NEK4: variants seen among roughly 807,000 people sequenced by gnomAD.
NEK4 encodes the protein serine/threonine-protein kinase Nek4.
NEK4 carries 86 observed loss-of-function variants against 98.4 expected under a neutral mutation model. That is an observed-to-expected ratio of 0.87 (90% CI 0.73 to 1.05). NEK4 has a LOEUF of 1.05. NEK4 is among the 50% of genes least tolerant of loss of function. The pLI, the probability that NEK4 is intolerant of heterozygous loss-of-function variation, is 0.00. For synonymous variants in NEK4, 328 were observed against 342.2 expected (o/e 0.96, Z 0.46); for missense variants, 898 against 950.3 (o/e 0.94, Z 0.72).
At chr3:52,764,778 G>GCACACACA (rs56827006) in intron 4 of NEK4, among the ~76,000 whole-genome samples, 7,650 of 145,036 alleles carry the variant, frequency 0.053, 226 homozygotes, top group South Asian at 0.079. Flanking sequence ...ACACACACAT[G>GCACACACA]CACACACACA....
At chr3:52,750,022 T>C (rs1405907570) in intron 7 of NEK4, among the ~76,000 whole-genome samples, 193 bp from the exon 8 acceptor site, 1 of 152,174 alleles carries the variant, frequency 6.6e-6, no homozygotes, top group Non-Finnish European at 1.5e-5. Flanking sequence ...ATGGTTGTTT[T>C]GGAAAACAAT....
At chr3:52,770,074 T>A (rs144554109) in intron 1 of NEK4, among the ~76,000 whole-genome samples, 13 of 152,170 alleles carry the variant, frequency 8.5e-5, no homozygotes, top group African/African-American at 2.6e-4. Context: ...ATAATCAGTG[T>A]TGGGGTGCGT....
Position 52,770,877 on chromosome 3 carries a change from G to T in NEK4, c.-131C>A, listed in dbSNP as rs1698758973. ...CTGTTGAGGCAGCCGGGCCCGGGCG[G>T]GATTGCTGGGGCCCGGCCCGCGACG... On this transcript the variant is annotated 5_prime_UTR_variant, in exon 1 of 16. Coordinates refer to ENST00000233027, the MANE Select transcript of NEK4 (RefSeq NM_003157.6). The T allele has an allele frequency of 4.0e-6, 3 of 748,322 alleles. No individual in the cohort carries two copies. The East Asian group carries it at 8.2e-5, about 20-fold the overall frequency. 46.4% of individuals were successfully genotyped at this position (748,322 alleles called of 1,614,324 possible).
Position 52,770,727 on chromosome 3 carries a change from C to T in NEK4, c.20G>A (p.Cys7Tyr). Residue 7 changes from cysteine to tyrosine, a missense_variant, in exon 1 of 16, where the codon TGC becomes TAC. Physicochemically the swap from Cys to Tyr is radical, Grantham distance 194. Coordinates refer to ENST00000233027, the MANE Select transcript of NEK4 (RefSeq NM_003157.6). MPLAAY[C>Y]YLRVVGKGSY... ...CCCCTTGCCCACGACCCGCAGGTAG[C>T]AGTAGGCGGCCAGGGGCATGTTCCC... is the stretch of plus-strand genomic sequence containing the variant. 1.3e-6 allele frequency: 2 copies of T among 1,573,614 alleles called. No homozygotes were observed. The highest frequency in any genetic ancestry group is 8.6e-7 in the Non-Finnish European group (1 of 1,160,626).
At chr3:52,764,658 C>T (rs1236195797) in intron 4 of NEK4, among the ~76,000 whole-genome samples, 2 of 151,900 alleles carry the variant, frequency 1.3e-5, no homozygotes, top group Non-Finnish European at 2.9e-5. Context: ...CAGGTACCGA[C>T]TTGGAAGGAT....
intron 4 of NEK4, among the ~76,000 whole-genome samples, chr3:52,764,141 G>C (rs1478451520): frequency 6.6e-6 from 1 of 151,970 alleles, no homozygotes; most frequent in Non-Finnish European, 1.5e-5. Context: ...AAAAAAATTA[G>C]CTGGGCGTGG....
In NEK4 at chr3:52,768,048, T is replaced by A. The variant is rs374350784; in HGVS notation, c.360+290A>T. 5.3e-5 allele frequency among the ~76,000 whole-genome samples: 8 copies of A among 152,324 alleles called. No homozygotes were observed. The South Asian group carries it at 1.0e-3, about 20-fold the overall frequency. On this transcript the variant is annotated intron_variant, in intron 2 of 15. Coordinates refer to ENST00000233027, the MANE Select transcript of NEK4 (RefSeq NM_003157.6). Reference sequence around the variant, plus strand: ...ACCAATGGATAACAAACATAGTCACTCTATGCTCTTGGTTGCCTCAGGGTC... The same window carrying A: ...ACCAATGGATAACAAACATAGTCACACTATGCTCTTGGTTGCCTCAGGGTC...
chr3:52,722,458 C>T (rs1245801707), intron 15 of NEK4, among the ~76,000 whole-genome samples: 1 of 151,916 alleles, frequency 6.6e-6, no homozygotes, highest in Non-Finnish European at 1.5e-5. Context: ...ATGGAGGACC[C>T]CTAAATTATC....
At chr3:52,767,119 AC>A (rs1698596548) in intron 2 of NEK4, among the ~76,000 whole-genome samples, 1 of 151,936 alleles carries the variant, frequency 6.6e-6, no homozygotes, top group Non-Finnish European at 1.5e-5. Context: ...CCCCATCTCT[AC>A]TAAAAAAATA....
chr3:52,767,132 A>G (rs1017701851), intron 2 of NEK4, among the ~76,000 whole-genome samples: 1 of 152,016 alleles, frequency 6.6e-6, no homozygotes, highest in Non-Finnish European at 1.5e-5. Flanking sequence ...AAAAAAATAC[A>G]AAAATTAGCT....
rs759150723 is a variant in NEK4 at position 52,711,840 on chromosome 3, C to T, written c.2463G>A (p.Lys821=). The change falls in exon 16 of 16, where the codon AAG becomes AAA. Residue 821 remains lysine (K), a synonymous_variant. Coordinates refer to ENST00000233027, the MANE Select transcript of NEK4 (RefSeq NM_003157.6). ...GAGCTTTCACACTGTAAGTTGTATA[C>T]TTTTCACCCATGTGCTCCCGCAAAC... ...EVRLREHMGE[K]YTTYSVKARQ... 6.2e-7 allele frequency: 1 copy of T among 1,609,534 alleles called. No individual in the cohort carries two copies. The highest frequency in any genetic ancestry group is 1.1e-5 in the South Asian group (1 of 90,352).
At chr3:52,767,017 G>A in intron 2 of NEK4, among the ~76,000 whole-genome samples, 1 of 151,962 alleles carries the variant, frequency 6.6e-6, no homozygotes, top group East Asian at 1.9e-4. Flanking sequence ...TATGTTTACA[G>A]GCCAGGCGCA....
At chr3:52,766,484 A>G in intron 2 of NEK4, 109 bp from the exon 3 acceptor site, 3 of 735,044 alleles carry the variant, frequency 4.1e-6, no homozygotes, top group South Asian at 3.5e-5. Context: ...CTTTGACCGT[A>G]AAGAGTAACC....
intron 15 of NEK4, chr3:52,733,110 T>TAA (rs1394344892): frequency 5.6e-6 from 1 of 179,126 alleles, no homozygotes; most frequent in Non-Finnish European, 1.3e-5. Context: ...GGAAAAATCT[T>TAA]ATGGACGTAG....
intron 15 of NEK4, among the ~76,000 whole-genome samples, chr3:52,731,270 C>T (rs760403792): frequency 3.3e-5 from 5 of 152,186 alleles, no homozygotes; most frequent in Non-Finnish European, 5.9e-5. Context: ...TCTTTCTTCT[C>T]TCAATTTCTT....
At chr3:52,743,496 G>A (rs775718212) in intron 11 of NEK4, 35 bp from the exon 12 acceptor site, 1 of 1,539,332 alleles carries the variant, frequency 6.5e-7, no homozygotes, top group African/African-American at 1.4e-5. Context: ...GTTGTTTGTG[G>A]TGGGCTGCCC....
chr3:52,761,193 A>C (rs1278291033), intron 5 of NEK4, among the ~76,000 whole-genome samples: 1 of 152,242 alleles, frequency 6.6e-6, no homozygotes, highest in Non-Finnish European at 1.5e-5. Context: ...CCTGGATTGG[A>C]TCCTGGAACA....
At chr3:52,765,746 A>C in intron 4 of NEK4, 141 bp downstream of exon 4, 1 of 596,002 alleles carries the variant, frequency 1.7e-6, no homozygotes, top group Non-Finnish European at 3.0e-6. Context: ...TCCCCACAGA[A>C]GGGACCCACC....
At chr3:52,766,057 T>TA in intron 3 of NEK4, 63 bp from the exon 4 acceptor site, 2 of 1,463,086 alleles carry the variant, frequency 1.4e-6, no homozygotes, top group Non-Finnish European at 1.9e-6. Context: ...TTTTTCCCTT[T>TA]AAAAAAAGAA....
Sources: gnomAD v4.1 joint callset for allele counts (sites outside exome capture counted in the v4.1 genomes callset) on GRCh38, gnomAD v4.1.1 for gene constraint, MANE v1.5 for transcripts, NCBI Gene and HGNC (gene_info 2026-07-23, HGNC 2026-07-21) for gene names.